ARMC2: variants seen among roughly 807,000 people sequenced by gnomAD.
The protein encoded by ARMC2 is armadillo repeat containing 2.
In ARMC2, 67 loss-of-function variants were observed where a neutral mutation model predicts 90.3. That is an observed-to-expected ratio of 0.74 (90% CI 0.61 to 0.91). ARMC2 has a LOEUF of 0.91. Among genes scored for constraint, ARMC2 ranks in the 40% least tolerant of loss-of-function variants. The probability of loss-of-function intolerance (pLI) is 0.00; values close to 1 mark genes in which losing one functional copy is unlikely to be tolerated. For synonymous variants in ARMC2, 393 were observed against 393.0 expected (o/e 1.00, Z 0.00); for missense variants, 920 against 1,030.9 (o/e 0.89, Z 1.47).
At chr6:109,036,877 G>A in the ARMC2 span, among the ~76,000 whole-genome samples, 3 of 152,140 alleles carry the variant, frequency 2.0e-5, no homozygotes, top group East Asian at 3.8e-4. Context: ...TAATAAAACA[G>A]TCGTAAATCT....
chr6:109,018,144 T>C, the ARMC2 span, among the ~76,000 whole-genome samples: 1 of 152,272 alleles, frequency 6.6e-6, no homozygotes, highest in Admixed American at 6.5e-5. Flanking sequence ...TTTCAAATTA[T>C]ATTTCTTAAA....
the ARMC2 span, among the ~76,000 whole-genome samples, chr6:109,030,805 T>C: frequency 6.6e-6 from 1 of 152,220 alleles, no homozygotes; most frequent in South Asian, 2.1e-4. Context: ...ACAACAACCT[T>C]GTAAGATGTA....
chr6:108,891,636 C>T (rs1174476832), intron 5 of ARMC2, among the ~76,000 whole-genome samples: 1 of 152,182 alleles, frequency 6.6e-6, no homozygotes, highest in South Asian at 2.1e-4. Context: ...TTTGTAGATT[C>T]TGGATATTAG....
intron 12 of ARMC2, among the ~76,000 whole-genome samples, chr6:108,945,562 C>T (rs1457828842): frequency 2.0e-5 from 3 of 152,240 alleles, no homozygotes; most frequent in Non-Finnish European, 4.4e-5. Context: ...AGAGCCTTTG[C>T]AAACCCTGGG....
chr6:108,923,591 A>T (rs553807011), intron 10 of ARMC2, among the ~76,000 whole-genome samples: 61 of 148,010 alleles, frequency 4.1e-4, no homozygotes, highest in Middle Eastern at 3.7e-3. Flanking sequence ...TGACCACATG[A>T]TTTAGCTAGA....
In ARMC2 at chr6:108,862,452, G is replaced by A. The variant is rs549731550; in HGVS notation, c.291+4181G>A. 6.3e-4 allele frequency among the ~76,000 whole-genome samples: 96 copies of A among 152,012 alleles called. 1 individual carries two copies. The highest frequency in any genetic ancestry group is 1.5e-3 in the African/African-American group (61 of 41,458). On this transcript the variant is annotated intron_variant, in intron 3 of 17. Coordinates refer to ENST00000392644, the MANE Select transcript of ARMC2 (RefSeq NM_032131.6). ...GACTGCTTAATTTGAGATTGTGGTC[G>A]TTGATGTTATTGTGGATTATGTGAG...
At chr6:108,979,361 G>A (rs11153142), downstream of ARMC2, among the ~76,000 whole-genome samples, 15,238 of 152,160 alleles carry the variant, frequency 0.1, 898 homozygotes, top group Middle Eastern at 0.19. Flanking sequence ...CGAGAGATCC[G>A]CTGTTAGTCT....
At chr6:108,986,619 T>TTTA in the ARMC2 span, 1 of 152,594 alleles carries the variant, frequency 6.6e-6, no homozygotes, top group Non-Finnish European at 1.5e-5. Context: ...ATTTTCCAGC[T>TTTA]TTATTATTTA....
chr6:108,992,994 G>A, the ARMC2 span: 2 of 723,842 alleles, frequency 2.8e-6, no homozygotes, highest in Non-Finnish European at 4.8e-6. Context: ...CTCTTTCTCT[G>A]ATACTGAGTG....
At chr6:108,875,623 G>T (rs568612934) in intron 4 of ARMC2, among the ~76,000 whole-genome samples, 1 of 151,896 alleles carries the variant, frequency 6.6e-6, no homozygotes, top group African/African-American at 2.4e-5. Flanking sequence ...TTTTTCCATA[G>T]CACTTATTAT....
the ARMC2 span, among the ~76,000 whole-genome samples, chr6:108,993,343 C>T: frequency 2.0e-5 from 3 of 152,248 alleles, no homozygotes; most frequent in Non-Finnish European, 4.4e-5. Context: ...CATGGGTTAA[C>T]ATTTTTACAG....
At chr6:108,886,641 TTTTG>T (rs1318425294) in intron 5 of ARMC2, among the ~76,000 whole-genome samples, 3 of 152,194 alleles carry the variant, frequency 2.0e-5, no homozygotes, top group Non-Finnish European at 4.4e-5. Flanking sequence ...TTTTTGTTTG[TTTTG>T]TTTTTCTTTT....
chr6:108,855,460 C>T (rs373674355), intron 2 of ARMC2, among the ~76,000 whole-genome samples: 6 of 152,124 alleles, frequency 3.9e-5, no homozygotes, highest in South Asian at 4.2e-4. Context: ...ACCATGTTTG[C>T]CAGGATGGTC....
chr6:109,031,349 G>A, the ARMC2 span, among the ~76,000 whole-genome samples: 9 of 152,224 alleles, frequency 5.9e-5, no homozygotes, highest in African/African-American at 1.7e-4. Context: ...GAAGCTCAAG[G>A]CAAATTAAAT....
At chr6:108,965,599 T>C (rs1411506131) in intron 17 of ARMC2, among the ~76,000 whole-genome samples, 1 of 152,162 alleles carries the variant, frequency 6.6e-6, no homozygotes, top group Non-Finnish European at 1.5e-5. Context: ...GGAGTTTATA[T>C]CCTTGAAAGG....
At chr6:109,051,317 T>C in the ARMC2 span, among the ~76,000 whole-genome samples, 1 of 150,108 alleles carries the variant, frequency 6.7e-6, no homozygotes, top group Non-Finnish European at 1.5e-5. Context: ...TTACCAAACA[T>C]TGAAACTGAG....
At chr6:108,994,926 G>A in the ARMC2 span, among the ~76,000 whole-genome samples, 5 of 151,924 alleles carry the variant, frequency 3.3e-5, no homozygotes, top group South Asian at 2.1e-4. Context: ...GAATGGTCTC[G>A]ATCTCCTGAC....
At chr6:109,047,942 G>A in the ARMC2 span, among the ~76,000 whole-genome samples, 1 of 146,648 alleles carries the variant, frequency 6.8e-6, no homozygotes, top group South Asian at 2.3e-4. Context: ...CAAGTACCCA[G>A]GGACACAAAC....
chr6:108,992,192 A>G, the ARMC2 span, among the ~76,000 whole-genome samples: 2 of 152,132 alleles, frequency 1.3e-5, no homozygotes, highest in African/African-American at 2.4e-5. Context: ...TCAACCTTCC[A>G]GGCTCAAGTG....
Sources: gnomAD v4.1 joint callset for allele counts (sites outside exome capture counted in the v4.1 genomes callset) on GRCh38, gnomAD v4.1.1 for gene constraint, MANE v1.5 for transcripts, NCBI Gene and HGNC (gene_info 2026-07-23, HGNC 2026-07-21) for gene names.